RGPD3: variants seen among roughly 807,000 people sequenced by gnomAD.
RGPD3 encodes the protein ranBP2-like and GRIP domain-containing protein 3.
Under a neutral mutation model 154.5 loss-of-function variants are expected in RGPD3, and 62 were observed. That is an observed-to-expected ratio of 0.40 (90% CI 0.33 to 0.50). RGPD3 has a LOEUF of 0.50. Among genes scored for constraint, RGPD3 ranks in the 20% least tolerant of loss-of-function variants. RGPD3 has a pLI of 0.59. For synonymous variants in RGPD3, 308 were observed against 607.0 expected, an observed-to-expected ratio of 0.51 and a Z score of 7.24; for missense variants, 919 against 1,716.8, an observed-to-expected ratio of 0.54 and a Z score of 8.21.
rs779226359 is a variant in RGPD3 at position 106,424,801 on chromosome 2, C to T, written c.3166G>A (p.Gly1056Ser). 8.1e-6 allele frequency: 13 copies of T among 1,611,566 alleles called. No homozygotes were observed. In the African/African-American group the frequency reaches 9.4e-5, roughly 12 times the overall value. ...EKVELVTGEE[G>S]EKVLYSQGVK... The stretch of plus-strand genomic sequence containing the variant: ...CCCTGTGAATACAGAACTTTTTCAC[C>T]TTCTTCTCCTGTTACAAGTTCTACT... The change falls in exon 20 of 23, where the codon GGT (glycine) becomes AGT (serine). Residue 1056 changes from glycine (G) to serine (S), a missense_variant. Gly to Ser is a moderately conservative substitution (Grantham distance 56). Transcript: ENST00000409886.
chr2:106,412,166 C>A (rs1293075145), intron 22 of RGPD3, among the ~76,000 whole-genome samples: 2 of 144,594 alleles, frequency 1.4e-5, no homozygotes, highest in Non-Finnish European at 3.0e-5. Flanking sequence ...AAAACGAAAC[C>A]ATAATTCTTA....
intron 21 of RGPD3, among the ~76,000 whole-genome samples, chr2:106,413,850 G>C (rs926301164): frequency 2.5e-4 from 38 of 152,264 alleles, no homozygotes; most frequent in African/African-American, 8.9e-4. Flanking sequence ...GGAACTGATG[G>C]AACGTCTCCA....
At chr2:106,445,595 C>T (rs1455426473) in intron 7 of RGPD3, among the ~76,000 whole-genome samples, 2 of 152,090 alleles carry the variant, frequency 1.3e-5, no homozygotes, top group Non-Finnish European at 2.9e-5. Flanking sequence ...TCCTGGCTAA[C>T]ATGGTGAAAC....
chr2:106,467,411 C>T (rs1678654374), intron 1 of RGPD3, among the ~76,000 whole-genome samples: 2 of 111,628 alleles, frequency 1.8e-5, no homozygotes. Context: ...AGCCATGACG[C>T]CTGAGCCATC....
intron 21 of RGPD3, among the ~76,000 whole-genome samples, 153 bp downstream of exon 21, chr2:106,415,697 A>AAAT (rs1491421236): frequency 7.4e-6 from 1 of 134,576 alleles, no homozygotes; most frequent in African/African-American, 3.1e-5. Context: ...AAAAAAAAAA[A>AAAT]GGCAATATTT....
At chr2:106,450,012 G>A (rs1388397966) in intron 6 of RGPD3, among the ~76,000 whole-genome samples, 13 of 145,910 alleles carry the variant, frequency 8.9e-5, no homozygotes, top group South Asian at 6.7e-4. Flanking sequence ...GCGAGACTCC[G>A]TCTCAAAAAA....
At chr2:106,465,692 T>C (rs1158554092) in intron 1 of RGPD3, among the ~76,000 whole-genome samples, 1 of 151,768 alleles carries the variant, frequency 6.6e-6, no homozygotes, top group African/African-American at 2.4e-5. Context: ...AGGTTAAAAA[T>C]TGCAAGCCAT....
At chr2:106,445,566 G>C (rs1352981787) in intron 7 of RGPD3, among the ~76,000 whole-genome samples, 1 of 152,294 alleles carries the variant, frequency 6.6e-6, no homozygotes, top group East Asian at 1.9e-4. Flanking sequence ...TGGATCACGA[G>C]GTCAGAAGAT....
rs917926276 is a variant in RGPD3, at chr2:106,412,565, C to T, written c.5266+519G>A. Among the ~76,000 whole-genome samples, 35 of 151,354 alleles carry T rather than the reference C, an allele frequency of 2.3e-4. 1 individual carries two copies. Among genetic ancestry groups the T allele is most frequent in the African/African-American group, 7.8e-4 (32 of 41,198 alleles). ...TCTTGTGATCCGCCTGCCTCGGCCTCCCAAAGTGGTGGGATTATAGGTGTG... is the reference window on the plus strand; with the variant it reads ...TCTTGTGATCCGCCTGCCTCGGCCTTCCAAAGTGGTGGGATTATAGGTGTG... On this transcript the variant is annotated intron_variant, in intron 22 of 22. Transcript: ENST00000409886.
At chr2:106,468,460 T>G (rs1335703117), upstream of RGPD3, 1 of 1,322,238 alleles carries the variant, frequency 7.6e-7, no homozygotes, top group Non-Finnish European at 1.0e-6. Flanking sequence ...GTTGGCGACT[T>G]CGGCGCTCGA....
chr2:106,441,927 T>C (rs1219332729), intron 7 of RGPD3, among the ~76,000 whole-genome samples: 1 of 100,102 alleles, frequency 1.0e-5, no homozygotes, highest in African/African-American at 4.0e-5. Flanking sequence ...ACACCTGTAA[T>C]CCCAGCACTT....
chr2:106,468,403 A>G lies in RGPD3; in HGVS notation c.-115T>C, dbSNP rs944402292. The G allele has an allele frequency of 5.9e-6, 9 of 1,530,946 alleles. No homozygotes were observed. In the African/African-American group the frequency reaches 1.2e-4, roughly 21 times the overall value. 94.8% of individuals were successfully genotyped at this position (1,530,946 alleles called of 1,614,324 possible). ...ACTGAGGCAGCGGCGTAGCCGGCGG[A>G]GGACCACTGTGACGAACTTGTGTCC... On this transcript the variant is annotated 5_prime_UTR_variant, in exon 1 of 23. Transcript: ENST00000409886.
chr2:106,463,133 C>G (rs550510680), intron 1 of RGPD3, among the ~76,000 whole-genome samples: 1 of 151,882 alleles, frequency 6.6e-6, no homozygotes, highest in South Asian at 2.1e-4. Flanking sequence ...AGAATCTCAT[C>G]AGACTCCTAA....
At chr2:106,427,386 A>ATT (rs1407009573) in intron 18 of RGPD3, among the ~76,000 whole-genome samples, 1 of 151,186 alleles carries the variant, frequency 6.6e-6, no homozygotes, top group Admixed American at 6.6e-5. Context: ...TAAAAAAATC[A>ATT]CATTAACATT....
chr2:106,447,375 C>T (rs1395255311), intron 7 of RGPD3, 43 bp downstream of exon 7: 1 of 109,334 alleles, frequency 9.1e-6, no homozygotes, highest in South Asian at 5.9e-5. Context: ...TAAAACACAT[C>T]AAGACTCCGT....
At position 106,404,668 on chromosome 2, in the gene RGPD3, C is replaced by T. The variant is rs1337699508; in HGVS notation, c.*551G>A. 2.1e-5 allele frequency among the ~76,000 whole-genome samples: 2 copies of T among 96,824 alleles called. No homozygotes were observed. The highest frequency in any genetic ancestry group is 1.1e-4 in the Admixed American group (1 of 9,270). 63.5% of individuals were successfully genotyped at this position (96,824 alleles called of 152,430 possible). On this transcript the variant is annotated 3_prime_UTR_variant, in exon 23 of 23. Coordinates refer to ENST00000409886, the MANE Select transcript of RGPD3 (RefSeq NM_001144013.2). ...AGAGACAAGGTCTCGCTCTGTTCCCCGAGCTGGAGTGCAGTGATACAATCA... is the reference window on the plus strand; with the variant it reads ...AGAGACAAGGTCTCGCTCTGTTCCCTGAGCTGGAGTGCAGTGATACAATCA...
At chr2:106,422,907 A>T in intron 20 of RGPD3, 136 bp downstream of exon 20, 1 of 1,574,038 alleles carries the variant, frequency 6.4e-7, no homozygotes, top group Non-Finnish European at 8.6e-7. Context: ...AGGGAGAAAA[A>T]AATTGCTCAA....
At chr2:106,448,923 C>T (rs1015419605) in intron 6 of RGPD3, among the ~76,000 whole-genome samples, 1 of 151,086 alleles carries the variant, frequency 6.6e-6, no homozygotes, top group Non-Finnish European at 1.5e-5. Flanking sequence ...GATCTCCTGA[C>T]TTCGTGATCC....
chr2:106,469,894 G>A (rs1002000744), upstream of RGPD3, among the ~76,000 whole-genome samples: 3 of 151,936 alleles, frequency 2.0e-5, no homozygotes, highest in Admixed American at 2.0e-4. Context: ...CCAAAACCTC[G>A]TAACTCCTTT....
Sources: gnomAD v4.1 joint callset for allele counts (sites outside exome capture counted in the v4.1 genomes callset) on GRCh38, gnomAD v4.1.1 for gene constraint, MANE v1.5 for transcripts, NCBI Gene and HGNC (gene_info 2026-07-23, HGNC 2026-07-21) for gene names.